The following CHTF8 variants were observed in gnomAD, a reference collection of about 807,000 sequenced individuals.
CHTF8 encodes the protein chromosome transmission fidelity protein 8 homolog.
In CHTF8, 6 loss-of-function variants were observed where a neutral mutation model predicts 11.0. The ratio of observed to expected loss-of-function variants is 0.55; its 90% CI spans 0.30 to 1.08. The LOEUF is 1.08. Ranked by LOEUF, CHTF8 falls within the 50% of genes least tolerant of loss-of-function variation. The pLI is 0.07. For synonymous variants in CHTF8, 53 were observed against 60.5 expected (o/e 0.88, Z 0.57); for missense variants, 140 against 153.1 (o/e 0.91, Z 0.45).
intron 1 of CHTF8, among the ~76,000 whole-genome samples, chr16:69,128,327 C>T (rs971991616): frequency 2.0e-5 from 3 of 152,198 alleles, no homozygotes; most frequent in African/African-American, 7.2e-5. Context: ...GGAGAGACTT[C>T]TGTGATGTAG....
chr16:69,127,281 C>T (rs771882297), intron 1 of CHTF8, among the ~76,000 whole-genome samples: 130 of 150,938 alleles, frequency 8.6e-4, no homozygotes, highest in Non-Finnish European at 1.7e-3. Flanking sequence ...ACCCAATGTG[C>T]CCCCATCCCC....
In CHTF8 at chr16:69,120,299, G is replaced by C; in HGVS notation, c.*126C>G. 1 of 874,074 alleles carries C rather than the reference G, an allele frequency of 1.1e-6. No homozygotes were observed. 54.1% of individuals were successfully genotyped at this position (874,074 alleles called of 1,614,324 possible). A position where few individuals can be genotyped will look rare whatever the true frequency, so the allele number is the denominator to read the frequency against. ...AGGAAGGGATCCGAGTTCACACCCAGTGGGTGGCCTGTGTTCAGAACAGGA... is the reference window on the plus strand; with the variant it reads ...AGGAAGGGATCCGAGTTCACACCCACTGGGTGGCCTGTGTTCAGAACAGGA... On this transcript the variant is annotated 3_prime_UTR_variant, in exon 4 of 4. Coordinates refer to ENST00000448552, the MANE Select transcript of CHTF8 (RefSeq NM_001039690.5). This position sits in a 1 kb window ranked among gnomAD's most constrained non-coding sequence, Gnocchi z 4.0.
chr16:69,127,172 A>G (rs1198173281), intron 1 of CHTF8, among the ~76,000 whole-genome samples: 3 of 151,684 alleles, frequency 2.0e-5, no homozygotes, highest in African/African-American at 7.3e-5. Flanking sequence ...TGGGAGGCGG[A>G]GGCTGCAGTG....
rs1373743773 is a variant in CHTF8 at position 69,119,673 on chromosome 16, T to C, written c.*752A>G. 2 of 674,854 alleles carry C rather than the reference T, an allele frequency of 3.0e-6. No individual in the cohort carries two copies. The highest frequency in any genetic ancestry group is 5.4e-6 in the Non-Finnish European group (2 of 370,150). 41.8% of individuals were successfully genotyped at this position (674,854 alleles called of 1,614,324 possible). On this transcript the variant is annotated 3_prime_UTR_variant, in exon 4 of 4. Transcript: ENST00000448552. ...ATCCTGTGCCCAAGAGGCCACCTGC[T>C]CTGGCATCTAGATTAGGGCCTGGGC... is the stretch of plus-strand genomic sequence containing the variant.
Position 69,120,733 on chromosome 16 carries a change from G to A in CHTF8, c.142-84C>T. ...CGCCTCCTAAAGCTGCTCTTGGCAG[G>A]CTATGCTGGCACCTCCAATCCCTGG... On this transcript the variant is annotated intron_variant, in intron 3 of 3. Transcript: ENST00000448552. The surrounding 1 kb of genome is among the most constrained non-coding windows in gnomAD (Gnocchi z 4.0). 8.4e-7 allele frequency: 1 copy of A among 1,192,392 alleles called. No homozygotes were observed. Among genetic ancestry groups the A allele is most frequent in the Admixed American group, 2.0e-5 (1 of 49,598 alleles). The allele number at this position is 1,192,392 out of a possible 1,614,324, so 73.9% of individuals were successfully genotyped here. A position where few individuals can be genotyped will look rare whatever the true frequency, so the allele number is the denominator to read the frequency against.
At chr16:69,132,383 GC>G in intron 1 of CHTF8, 100 bp downstream of exon 1, 1 of 149,858 alleles carries the variant, frequency 6.7e-6, no homozygotes, top group Non-Finnish European at 1.4e-5. Context: ...GCCCCGCCCG[GC>G]CCCGGCTCCC....
rs1370894970 is a variant in CHTF8, at chr16:69,120,164, C to T, written c.*261G>A. 1 of 701,518 alleles carries T rather than the reference C, an allele frequency of 1.4e-6. No individual in the cohort carries two copies. The highest frequency in any genetic ancestry group is 2.6e-6 in the Non-Finnish European group (1 of 385,090). The allele number at this position is 701,518 out of a possible 1,614,324, so 43.5% of individuals were successfully genotyped here. ...GAAGCCATACTTGGGTCACGAGCAC[C>T]AGCCGGGAAAGGTGCTGGATTTGAA... On this transcript the variant is annotated 3_prime_UTR_variant, in exon 4 of 4. Transcript: ENST00000448552. This position sits in a 1 kb window ranked among gnomAD's most constrained non-coding sequence, Gnocchi z 4.0.
Position 69,120,861 on chromosome 16 carries a change from G to C in CHTF8, c.141+192C>G. The C allele has an allele frequency of 2.7e-6, 2 of 750,288 alleles. No individual in the cohort carries two copies. Among genetic ancestry groups the C allele is most frequent in the South Asian group, 2.9e-5 (2 of 69,232 alleles). 46.5% of individuals were successfully genotyped at this position (750,288 alleles called of 1,614,324 possible). On this transcript the variant is annotated intron_variant, in intron 3 of 3. Coordinates refer to ENST00000448552, the MANE Select transcript of CHTF8 (RefSeq NM_001039690.5). This position sits in a 1 kb window ranked among gnomAD's most constrained non-coding sequence, Gnocchi z 4.0. ...AGAATTTCCACTTTCAGAAATGTGA[G>C]CTTTCCAGATTCCCCAAAATTAAAT...
Position 69,119,019 on chromosome 16 carries a change from G to C in CHTF8, c.*1406C>G. On this transcript the variant is annotated 3_prime_UTR_variant, in exon 4 of 4. Transcript: ENST00000448552. ...GAAAGGAAGCTGGGTTGAGACCCAGGGTCCCAGTTGGCCTTGTGAAAGGAG... is the reference window on the plus strand; with the variant it reads ...GAAAGGAAGCTGGGTTGAGACCCAGCGTCCCAGTTGGCCTTGTGAAAGGAG... The C allele has an allele frequency of 1.4e-6, 1 of 703,056 alleles. No homozygotes were observed. Among genetic ancestry groups the C allele is most frequent in the Non-Finnish European group, 2.6e-6 (1 of 385,022 alleles). 43.6% of individuals were successfully genotyped at this position (703,056 alleles called of 1,614,324 possible).
intron 1 of CHTF8, among the ~76,000 whole-genome samples, chr16:69,124,657 G>C (rs1009000206): frequency 2.0e-5 from 3 of 151,992 alleles, no homozygotes; most frequent in African/African-American, 4.8e-5. Context: ...TTACAGGAGT[G>C]AGCCACCACC....
intron 1 of CHTF8, among the ~76,000 whole-genome samples, chr16:69,131,015 T>C (rs1962465178): frequency 6.6e-6 from 1 of 152,146 alleles, no homozygotes; most frequent in African/African-American, 2.4e-5. Flanking sequence ...ACAGATTATT[T>C]TTATTTGTAG....
In CHTF8 at chr16:69,118,171, T is replaced by C; in HGVS notation, c.*2254A>G. On this transcript the variant is annotated 3_prime_UTR_variant, in exon 4 of 4. Transcript: ENST00000448552. ...TATTCCCATCCACATCAGTTTAAAT[T>C]TTGAGGTTCTTTGATTGATTGGGAG... is the stretch of plus-strand genomic sequence containing the variant. The C allele has an allele frequency of 2.0e-6, 1 of 504,058 alleles. No homozygotes were observed. Among genetic ancestry groups the C allele is most frequent in the East Asian group, 3.5e-5 (1 of 28,774 alleles). 31.2% of individuals were successfully genotyped at this position (504,058 alleles called of 1,614,324 possible). A position where few individuals can be genotyped will look rare whatever the true frequency, so the allele number is the denominator to read the frequency against.
rs188771784 is a variant in CHTF8 at position 69,118,607 on chromosome 16, C to T, written c.*1818G>A. 1.3e-5 allele frequency: 9 copies of T among 711,682 alleles called. No homozygotes were observed. The highest frequency in any genetic ancestry group is 2.7e-5 in the East Asian group (1 of 37,294). 44.1% of individuals were successfully genotyped at this position (711,682 alleles called of 1,614,324 possible). On this transcript the variant is annotated 3_prime_UTR_variant, in exon 4 of 4. Transcript: ENST00000448552. ...AGCTGTGGGACGAAAGCACAGCAGGCTTCTGGGAGGCTGGAGATCCTTTCT... is the reference window on the plus strand; with the variant it reads ...AGCTGTGGGACGAAAGCACAGCAGGTTTCTGGGAGGCTGGAGATCCTTTCT...
Position 69,118,180 on chromosome 16 carries a change from C to CTT in CHTF8, c.*2243_*2244dup, listed in dbSNP as rs988548910. On this transcript the variant is annotated 3_prime_UTR_variant, in exon 4 of 4. Transcript: ENST00000448552. ...CCACATCAGTTTAAATTTTGAGGTT[C>CTT]TTTGATTGATTGGGAGTACCAGTGA... is the stretch of plus-strand genomic sequence containing the variant. 8 of 328,760 alleles carry CTT rather than the reference C, an allele frequency of 2.4e-5. No homozygotes were observed. Among genetic ancestry groups the CTT allele is most frequent in the Admixed American group, 1.4e-4 (3 of 21,532 alleles). 20.4% of individuals were successfully genotyped at this position (328,760 alleles called of 1,614,324 possible).
rs1245265007 is a variant in CHTF8, at chr16:69,132,564, G to C, written c.-116C>G. ...CTCCCGCCGCCGTCGCCGCCGCCGC[G>C]AGCACTGCCTGCGCACTTCCGACTA... On this transcript the variant is annotated 5_prime_UTR_variant, in exon 1 of 4. Coordinates refer to ENST00000448552, the MANE Select transcript of CHTF8 (RefSeq NM_001039690.5). 1 of 384,778 alleles carries C rather than the reference G, an allele frequency of 2.6e-6. No homozygotes were observed. The highest frequency in any genetic ancestry group is 5.1e-6 in the Non-Finnish European group (1 of 195,926). 23.8% of individuals were successfully genotyped at this position (384,778 alleles called of 1,614,324 possible).
At chr16:69,127,601 CTTTTTTTT>C (rs71383961) in intron 1 of CHTF8, among the ~76,000 whole-genome samples, 7 of 104,392 alleles carry the variant, frequency 6.7e-5, no homozygotes, top group African/African-American at 1.5e-4. Context: ...CTCCCGGCAA[CTTTTTTTT>C]TTTTTTTTTT....
intron 1 of CHTF8, among the ~76,000 whole-genome samples, chr16:69,128,274 AG>A (rs1455445439): frequency 6.6e-6 from 1 of 152,218 alleles, no homozygotes; most frequent in Non-Finnish European, 1.5e-5. Context: ...GTCTTTCGTT[AG>A]GAACAATAAT....
At chr16:69,129,406 G>T (rs1962326717) in intron 1 of CHTF8, among the ~76,000 whole-genome samples, 1 of 137,470 alleles carries the variant, frequency 7.3e-6, no homozygotes, top group Non-Finnish European at 1.5e-5. Flanking sequence ...CTCCAGCCTA[G>T]GCAACAGAGC....
intron 3 of CHTF8, 24 bp downstream of exon 3, chr16:69,121,029 G>A: frequency 6.3e-7 from 1 of 1,587,444 alleles, no homozygotes; most frequent in Non-Finnish European, 8.7e-7. Context: ...GAGGCATTAG[G>A]CAGGGAAAGA....
Sources: allele counts gnomAD v4.1 joint callset (sites outside exome capture counted in the v4.1 genomes callset), GRCh38; gene constraint gnomAD v4.1.1; non-coding constraint Gnocchi (gnomAD v3.1); transcripts MANE v1.5; gene names NCBI Gene and HGNC (gene_info 2026-07-23, HGNC 2026-07-21).